The following PTPRN2 variants were observed in gnomAD, a reference collection of about 807,000 sequenced individuals.
The protein encoded by PTPRN2 is protein tyrosine phosphatase receptor type N2, also known as receptor-type tyrosine-protein phosphatase N2.
A neutral mutation model predicts 118.8 loss-of-function variants in PTPRN2; 74 were observed. That is an observed-to-expected ratio of 0.62 (90% CI 0.52 to 0.76). PTPRN2 has a LOEUF of 0.76. Among genes scored for constraint, PTPRN2 ranks in the 30% least tolerant of loss-of-function variants. The pLI is 0.00. For synonymous variants in PTPRN2, 641 were observed against 608.0 expected, an observed-to-expected ratio of 1.05 and a Z score of -0.80; for missense variants, 1,481 against 1,394.4, an observed-to-expected ratio of 1.06 and a Z score of -0.99.
At chr7:158,300,088 G>A (rs1394680096) in intron 3 of PTPRN2, among the ~76,000 whole-genome samples, 10 of 152,114 alleles carry the variant, frequency 6.6e-5, no homozygotes, top group Non-Finnish European at 1.3e-4. Flanking sequence ...AGGATGTTTT[G>A]GCAGCAAGCA....
At chr7:158,072,446 G>C (rs1161392750) in intron 11 of PTPRN2, among the ~76,000 whole-genome samples, 2 of 152,178 alleles carry the variant, frequency 1.3e-5, no homozygotes, top group African/African-American at 2.4e-5. Flanking sequence ...GAGCCCAGGG[G>C]CCTTGGGCAG....
At position 157,615,910 on chromosome 7, in the gene PTPRN2, G is replaced by A. The variant is rs1434600557; in HGVS notation, c.2344+5452C>T. Reference sequence around the variant, plus strand: ...AGTGGGTTCGGCCTCAGAATCAGCCGGCGCTGAGATGTGCACCTGGCAGGA... The same window carrying A: ...AGTGGGTTCGGCCTCAGAATCAGCCAGCGCTGAGATGTGCACCTGGCAGGA... On this transcript the variant is annotated intron_variant, in intron 15 of 22. Coordinates refer to ENST00000389418, the MANE Select transcript of PTPRN2 (RefSeq NM_002847.5). This position sits in a 1 kb window ranked among gnomAD's most constrained non-coding sequence, Gnocchi z 4.3. 2 of 315,170 alleles carry A rather than the reference G, an allele frequency of 6.3e-6. No homozygotes were observed. The highest frequency in any genetic ancestry group is 1.2e-5 in the Non-Finnish European group (2 of 160,570). 19.5% of individuals were successfully genotyped at this position (315,170 alleles called of 1,614,324 possible).
chr7:158,571,533 T>C (rs1459142416), intron 1 of PTPRN2, among the ~76,000 whole-genome samples: 2 of 143,950 alleles, frequency 1.4e-5, no homozygotes, highest in East Asian at 4.1e-4. Flanking sequence ...TTCTTTTTTT[T>C]TTTTTTTTTT....
At chr7:157,844,182 G>A (rs192162620) in intron 12 of PTPRN2, among the ~76,000 whole-genome samples, 2 of 152,366 alleles carry the variant, frequency 1.3e-5, no homozygotes, top group East Asian at 1.9e-4. Context: ...GAGTGTGCAA[G>A]CCCCACACAC....
intron 2 of PTPRN2, among the ~76,000 whole-genome samples, chr7:158,333,100 T>C (rs371789893): frequency 7.5e-5 from 8 of 107,210 alleles, no homozygotes; most frequent in Admixed American, 1.7e-4. Context: ...ACCCACGCTC[T>C]CACCATAAGA....
intron 2 of PTPRN2, among the ~76,000 whole-genome samples, chr7:158,459,710 T>C (rs1301916256): frequency 6.6e-6 from 1 of 152,142 alleles, no homozygotes; most frequent in Non-Finnish European, 1.5e-5. Flanking sequence ...TTCTCCATCA[T>C]AGAACCACCA....
At chr7:158,084,590 A>C (rs1404851558) in intron 10 of PTPRN2, among the ~76,000 whole-genome samples, 24 of 152,018 alleles carry the variant, frequency 1.6e-4, no homozygotes, top group Admixed American at 1.6e-3. Context: ...TACTGCACCT[A>C]ATATTACAGC....
intron 2 of PTPRN2, among the ~76,000 whole-genome samples, chr7:158,322,556 C>T (rs138649414): frequency 0.012 from 1,830 of 151,778 alleles, 42 homozygotes; most frequent in African/African-American, 0.039. Flanking sequence ...GGAGCAGCTC[C>T]GTGCATGGCA....
chr7:158,036,697 G>C (rs1808112527), intron 11 of PTPRN2, among the ~76,000 whole-genome samples: 1 of 152,134 alleles, frequency 6.6e-6, no homozygotes, highest in Non-Finnish European at 1.5e-5. Context: ...TCAAGAATAA[G>C]ATTTGGTCCA....
rs79600261 is a variant in PTPRN2 at position 158,579,883 on chromosome 7, G to A, written c.112+7675C>T. On this transcript the variant is annotated intron_variant, in intron 1 of 22. Transcript: ENST00000389418. ...GTCTTCTACCACAAGAATGGGTGCC[G>A]CTCCATAGGAACTGATGGCTGTGCT... Among the ~76,000 whole-genome samples the A allele has an allele frequency of 1.0e-3, 155 of 152,342 alleles. No homozygotes were observed. In the East Asian group the frequency reaches 0.024, roughly 23 times the overall value.
intron 3 of PTPRN2, among the ~76,000 whole-genome samples, chr7:158,262,600 T>TCACACACACTG (rs1563054462): frequency 8.4e-6 from 1 of 118,926 alleles, no homozygotes; most frequent in Non-Finnish European, 1.7e-5. Context: ...TCACACACAT[T>TCACACACACTG]CACACACACT....
At chr7:157,783,781 C>T (rs1803833034) in intron 12 of PTPRN2, among the ~76,000 whole-genome samples, 1 of 151,876 alleles carries the variant, frequency 6.6e-6, no homozygotes, top group Admixed American at 6.6e-5. Flanking sequence ...ATTCGTATGA[C>T]CCTACTTTTG....
chr7:157,906,980 A>AC (rs1472712839), intron 11 of PTPRN2, among the ~76,000 whole-genome samples: 1 of 152,018 alleles, frequency 6.6e-6, no homozygotes, highest in East Asian at 1.9e-4. Flanking sequence ...AAAGACTCTC[A>AC]CTCAGCAAAT....
intron 11 of PTPRN2, among the ~76,000 whole-genome samples, chr7:157,948,725 T>G (rs1800631927): frequency 1.3e-5 from 2 of 152,194 alleles, no homozygotes; most frequent in Admixed American, 1.3e-4. Flanking sequence ...GTCCAAAATC[T>G]AAAATGCTCC....
rs1191137415 is a variant in PTPRN2 at position 157,794,330 on chromosome 7, C to T, written c.1788+104343G>A. ...TGCTCTGACCCGGGCTCACACCTCC[C>T]TGCTCCACCCAGGCTGCCTGCACTT... On this transcript the variant is annotated intron_variant, in intron 12 of 22. Transcript: ENST00000389418. The surrounding 1 kb of genome is among the most constrained non-coding windows in gnomAD (Gnocchi z 5.2). Among the ~76,000 whole-genome samples the T allele has an allele frequency of 6.6e-6, 1 of 152,206 alleles. No individual in the cohort carries two copies. Among genetic ancestry groups the T allele is most frequent in the Non-Finnish European group, 1.5e-5 (1 of 68,040 alleles).
rs1810824083 is a variant in PTPRN2 at position 157,868,089 on chromosome 7, C to T, written c.1788+30584G>A. Among the ~76,000 whole-genome samples, 1 of 152,258 alleles carries T rather than the reference C, an allele frequency of 6.6e-6. No individual in the cohort carries two copies. The highest frequency in any genetic ancestry group is 1.5e-5 in the Non-Finnish European group (1 of 68,046). On this transcript the variant is annotated intron_variant, in intron 12 of 22. Coordinates refer to ENST00000389418, the MANE Select transcript of PTPRN2 (RefSeq NM_002847.5). This position sits in a 1 kb window ranked among gnomAD's most constrained non-coding sequence, Gnocchi z 5.2. ...GCCCGCATCCTGGGCAAGAGGCCCA[C>T]ATGCACCTTAGAAAGGGCCCGAAAC...
chr7:157,992,600 AT>A (rs2128846970), intron 11 of PTPRN2, among the ~76,000 whole-genome samples: 1 of 152,318 alleles, frequency 6.6e-6, no homozygotes, highest in Non-Finnish European at 1.5e-5. Flanking sequence ...GCTGTAGAGG[AT>A]TTTCTGCTCT....
rs865979290 is a variant in PTPRN2 at position 158,469,498 on chromosome 7, T to A, written c.163+20237A>T. Among the ~76,000 whole-genome samples, 11 of 151,850 alleles carry A rather than the reference T, an allele frequency of 7.2e-5. No individual in the cohort carries two copies. The South Asian group carries it at 2.3e-3, about 32-fold the overall frequency. On this transcript the variant is annotated intron_variant, in intron 2 of 22. Coordinates refer to ENST00000389418, the MANE Select transcript of PTPRN2 (RefSeq NM_002847.5). ...CCACAATGAACACACCAAAAAAATG[T>A]GTAAAGTGTGGGTCTAGTTCTTTTG...
At chr7:158,169,255 T>A (rs1217659048) in intron 5 of PTPRN2, among the ~76,000 whole-genome samples, 1 of 152,112 alleles carries the variant, frequency 6.6e-6, no homozygotes, top group Non-Finnish European at 1.5e-5. Context: ...TTTTCTGGGT[T>A]TTTTTGAGAC....
Sources: allele counts gnomAD v4.1 joint callset (sites outside exome capture counted in the v4.1 genomes callset), GRCh38; gene constraint gnomAD v4.1.1; non-coding constraint Gnocchi (gnomAD v3.1); transcripts MANE v1.5; gene names NCBI Gene and HGNC (gene_info 2026-07-23, HGNC 2026-07-21).